Variants in CAPSL observed in about 807,000 individuals in gnomAD.
CAPSL encodes calcyphosin-like protein.
A neutral mutation model predicts 21.3 loss-of-function variants in CAPSL; 17 were observed. The observed-to-expected ratio is 0.80, with a 90% CI of 0.55 to 1.20. The LOEUF (loss-of-function observed/expected upper bound fraction) is 1.20, where lower values mean the gene tolerates loss of function less well. Ranked by LOEUF, CAPSL falls within the 50% of genes most tolerant of loss-of-function variation. The pLI is 0.00. For missense variants in CAPSL, 289 were observed against 259.3 expected (o/e 1.11, Z -0.79); for synonymous variants, 102 against 89.3 (o/e 1.14, Z -0.80).
chr5:35,914,826 A>C (rs1580884164), intron 2 of CAPSL, among the ~76,000 whole-genome samples: 1 of 152,236 alleles, frequency 6.6e-6, no homozygotes, highest in Non-Finnish European at 1.5e-5. Context: ...AAACATATTC[A>C]AAAGCTAGCA....
At chr5:35,938,143 CT>C (rs1486914300) in intron 1 of CAPSL, among the ~76,000 whole-genome samples, 9 of 152,178 alleles carry the variant, frequency 5.9e-5, no homozygotes, top group Non-Finnish European at 1.0e-4. Flanking sequence ...TGTTTTATTG[CT>C]TTGTGACTTG....
At chr5:35,931,511 C>T (rs888008346) in intron 1 of CAPSL, among the ~76,000 whole-genome samples, 2 of 151,860 alleles carry the variant, frequency 1.3e-5, no homozygotes, top group Non-Finnish European at 2.9e-5. Context: ...AATAAGCATC[C>T]ACTGGGAATG....
chr5:35,904,580 A>C lies in CAPSL; in HGVS notation c.592T>G (p.Phe198Val), dbSNP rs1187770718. The C allele has an allele frequency of 1.7e-5, 28 of 1,613,802 alleles. No homozygotes were observed. Among genetic ancestry groups the C allele is most frequent in the Non-Finnish European group, 2.3e-5 (27 of 1,179,960 alleles). Residue 198 changes from phenylalanine to valine, a missense_variant, in exon 5 of 5, where the codon TTC (phenylalanine) becomes GTC (valine). By Grantham distance (50) the Phe-to-Val change is conservative (BLOSUM62 -1). Transcript: ENST00000651391. Reference protein sequence around the residue: ...VSASIDTDVYFIIMMRTAWKL With the variant: ...VSASIDTDVYVIIMMRTAWKL ...CAGGCGGTTCTCATCATGATGATGA[A>C]GTACACATCAGTGTCAATGGATGCG...
At chr5:35,917,476 A>T (rs1447159635) in intron 2 of CAPSL, among the ~76,000 whole-genome samples, 4 of 152,140 alleles carry the variant, frequency 2.6e-5, no homozygotes, top group Non-Finnish European at 4.4e-5. Flanking sequence ...CAAATGTCCA[A>T]CAATGATAGA....
At chr5:35,937,951 G>A (rs1434714681) in intron 1 of CAPSL, among the ~76,000 whole-genome samples, 5 of 152,144 alleles carry the variant, frequency 3.3e-5, no homozygotes, top group East Asian at 1.9e-4. Flanking sequence ...TAATGAGAAC[G>A]TAAAGGACCC....
chr5:35,905,560 CAGCTCAT>C (rs1395965725), intron 4 of CAPSL, among the ~76,000 whole-genome samples: 1 of 152,206 alleles, frequency 6.6e-6, no homozygotes, highest in African/African-American at 2.4e-5. Context: ...CATTTGAACT[CAGCTCAT>C]AGTTGAACTG....
At chr5:35,911,293 G>A (rs1412472769) in intron 2 of CAPSL, among the ~76,000 whole-genome samples, 1 of 152,206 alleles carries the variant, frequency 6.6e-6, no homozygotes, top group Non-Finnish European at 1.5e-5. Flanking sequence ...ATGGAAAAGG[G>A]AAAAGGGAAG....
rs115121010 is a variant in CAPSL at position 35,929,568 on chromosome 5, C to T, written c.1-8448G>A. Among the ~76,000 whole-genome samples, 1,503 of 152,256 alleles carry T rather than the reference C, an allele frequency of 9.9e-3. 24 individuals are homozygous for T. The highest frequency in any genetic ancestry group is 0.034 in the African/African-American group (1,429 of 41,518). On this transcript the variant is annotated intron_variant, in intron 1 of 4. Coordinates refer to ENST00000651391, the MANE Select transcript of CAPSL (RefSeq NM_001042625.2). ...GGCCTCACAATGCTGGGATTACAGG[C>T]GTAAGCCACCACGCCCGGCCTTGAA...
intron 1 of CAPSL, among the ~76,000 whole-genome samples, chr5:35,935,792 T>A (rs114443731): frequency 6.6e-6 from 1 of 152,152 alleles, no homozygotes; most frequent in South Asian, 2.1e-4. Flanking sequence ...TCCTTTCTTA[T>A]CCATTTTACA....
At chr5:35,916,523 C>T (rs1580885537) in intron 2 of CAPSL, among the ~76,000 whole-genome samples, 2 of 151,992 alleles carry the variant, frequency 1.3e-5, no homozygotes, top group African/African-American at 2.4e-5. Context: ...GAGATATAGA[C>T]CAATGGAACA....
chr5:35,916,411 A>G (rs1738387091), intron 2 of CAPSL, among the ~76,000 whole-genome samples: 1 of 152,220 alleles, frequency 6.6e-6, no homozygotes, highest in East Asian at 1.9e-4. Context: ...TGCCAAGACA[A>G]TCCTAAGACA....
intron 1 of CAPSL, among the ~76,000 whole-genome samples, chr5:35,937,837 C>CAAAAA (rs11369328): frequency 1.3e-3 from 185 of 146,550 alleles, no homozygotes; most frequent in African/African-American, 4.3e-3. Flanking sequence ...AAAAATAAGT[C>CAAAAA]AAAAAAAAAA....
chr5:35,904,922 C>T (rs1297880372), intron 4 of CAPSL, among the ~76,000 whole-genome samples: 1 of 152,026 alleles, frequency 6.6e-6, no homozygotes, highest in East Asian at 1.9e-4. Flanking sequence ...GGTGGGAGCC[C>T]GTCGGTTCAG....
chr5:35,924,522 T>C (rs1002776486), intron 1 of CAPSL, among the ~76,000 whole-genome samples: 3 of 152,148 alleles, frequency 2.0e-5, no homozygotes, highest in African/African-American at 7.2e-5. Flanking sequence ...CCAGCGATGA[T>C]GTTGGCAGTT....
chr5:35,938,683 CTT>C (rs1239382881), upstream of CAPSL: 1 of 152,872 alleles, frequency 6.5e-6, no homozygotes, highest in African/African-American at 2.4e-5. Context: ...GGTCCACTCT[CTT>C]AGTATTAATT....
At chr5:35,936,323 A>G (rs1374889625) in intron 1 of CAPSL, among the ~76,000 whole-genome samples, 1 of 152,098 alleles carries the variant, frequency 6.6e-6, no homozygotes, top group Non-Finnish European at 1.5e-5. Context: ...GCCATCAGTT[A>G]TGCCCTTTTC....
At chr5:35,915,087 T>C (rs1263380673) in intron 2 of CAPSL, among the ~76,000 whole-genome samples, 1 of 152,084 alleles carries the variant, frequency 6.6e-6, no homozygotes, top group East Asian at 1.9e-4. Flanking sequence ...AACACTTCTA[T>C]GCAAATAAAC....
intron 1 of CAPSL, among the ~76,000 whole-genome samples, chr5:35,932,671 C>T (rs971661298): frequency 6.6e-6 from 1 of 152,152 alleles, no homozygotes; most frequent in Non-Finnish European, 1.5e-5. Context: ...TATTGTTATT[C>T]CAGAAAGTAA....
chr5:35,922,613 G>A (rs1413391019), intron 1 of CAPSL, among the ~76,000 whole-genome samples: 1 of 152,146 alleles, frequency 6.6e-6, no homozygotes, highest in Non-Finnish European at 1.5e-5. Context: ...AACTCCAGAC[G>A]GTGGCACACC....
Sources: allele counts gnomAD v4.1 joint callset (sites outside exome capture counted in the v4.1 genomes callset), GRCh38; gene constraint gnomAD v4.1.1; transcripts MANE v1.5; gene names NCBI Gene and HGNC (gene_info 2026-07-23, HGNC 2026-07-21).